The following PDK3 variants were observed in gnomAD, a reference collection of about 807,000 sequenced individuals.
PDK3 encodes the protein pyruvate dehydrogenase kinase 3.
PDK3 carries 12 observed loss-of-function variants against 32.0 expected under a neutral mutation model. The ratio of observed to expected loss-of-function variants is 0.37; its 90% CI spans 0.24 to 0.61. The LOEUF (loss-of-function observed/expected upper bound fraction) is 0.61. Ranked by LOEUF, PDK3 falls within the 20% of genes least tolerant of loss-of-function variation. The pLI is 0.65. For synonymous variants in PDK3, 122 were observed against 116.3 expected (o/e 1.05, Z -0.31); for missense variants, 188 against 316.9 (o/e 0.59, Z 3.09).
intron 6 of PDK3, among the ~76,000 whole-genome samples, chrX:24,519,247 A>G (rs779737554): frequency 9.0e-6 from 1 of 111,272 alleles, no homozygotes; most frequent in South Asian, 3.7e-4. Flanking sequence ...AAGGTAGAGT[A>G]TGTAGAAAGG....
chrX:24,548,980 A>G (rs1923049542), exon 12 of PDK3: 1 of 111,996 alleles, frequency 8.9e-6, no homozygotes, highest in Non-Finnish European at 1.9e-5. Flanking sequence ...AACTGTTACA[A>G]CCATGGGAAA....
intron 1 of PDK3, among the ~76,000 whole-genome samples, chrX:24,483,984 C>T (rs1921330704): frequency 9.1e-6 from 1 of 110,007 alleles, no homozygotes; most frequent in East Asian, 2.9e-4. Context: ...ACTGGGATTA[C>T]AGGTGTGAGC....
intron 5 of PDK3, among the ~76,000 whole-genome samples, chrX:24,509,851 G>A (rs1012521188): frequency 8.9e-6 from 1 of 111,974 alleles, no homozygotes; most frequent in South Asian, 3.7e-4. Flanking sequence ...CTGGTGAGGT[G>A]CATGCTTACT....
intron 6 of PDK3, among the ~76,000 whole-genome samples, chrX:24,522,206 T>C (rs1405582054): frequency 8.9e-6 from 1 of 112,192 alleles, no homozygotes; most frequent in African/African-American, 3.2e-5. Context: ...TTAAATTGAC[T>C]TTTAAAAATG....
chrX:24,512,088 A>G (rs1006404679), intron 5 of PDK3, among the ~76,000 whole-genome samples: 1 of 111,594 alleles, frequency 9.0e-6, no homozygotes, highest in African/African-American at 3.3e-5. Flanking sequence ...GCACCTTAGT[A>G]TCTACCTTTA....
chrX:24,476,203 G>GC (rs886525061), intron 1 of PDK3, among the ~76,000 whole-genome samples: 1 of 109,192 alleles, frequency 9.2e-6, no homozygotes, highest in African/African-American at 3.3e-5. Context: ...TTAATAGACT[G>GC]TTTTTTAAAA....
chrX:24,507,958 A>G (rs1185491140), intron 5 of PDK3, among the ~76,000 whole-genome samples: 1 of 111,764 alleles, frequency 8.9e-6, no homozygotes, highest in African/African-American at 3.3e-5. Context: ...TGATGGGCAC[A>G]TGGGCTCATT....
intron 5 of PDK3, among the ~76,000 whole-genome samples, chrX:24,506,801 CTTTTTTTTTT>C (rs10682263): frequency 1.1e-3 from 56 of 49,492 alleles, no homozygotes; most frequent in African/African-American, 4.5e-3. Flanking sequence ...TTTTTTCTTT[CTTTTTTTTTT>C]TTTTTTTTTT....
chrX:24,508,329 A>G, intron 5 of PDK3, among the ~76,000 whole-genome samples: 1 of 111,583 alleles, frequency 9.0e-6, no homozygotes, highest in Non-Finnish European at 1.9e-5. Context: ...ACAAGGCCCC[A>G]CCGCCAACAC....
exon 12 of PDK3, chrX:24,546,831 T>A (rs1923006318): frequency 8.9e-6 from 1 of 112,428 alleles, no homozygotes; most frequent in South Asian, 3.7e-4. Context: ...TAAATAGACT[T>A]ATTTGCATAT....
chrX:24,501,634 C>T (rs747915025), intron 3 of PDK3, among the ~76,000 whole-genome samples: 2 of 112,509 alleles, frequency 1.8e-5, no homozygotes, highest in South Asian at 3.7e-4. Flanking sequence ...ATTGCCTAAA[C>T]GCGGGAGGCA....
chrX:24,487,761 C>G (rs761003514), intron 1 of PDK3, among the ~76,000 whole-genome samples: 3 of 109,758 alleles, frequency 2.7e-5, no homozygotes, highest in African/African-American at 9.9e-5. Flanking sequence ...CCCCCAACCC[C>G]CACCAACTGC....
intron 5 of PDK3, among the ~76,000 whole-genome samples, chrX:24,518,233 G>C (rs1421941025): frequency 8.9e-6 from 1 of 111,791 alleles, no homozygotes; most frequent in Non-Finnish European, 1.9e-5. Flanking sequence ...TGTAATCCCA[G>C]CACTTTTGGG....
At chrX:24,493,872 C>T (rs1424728873) in intron 1 of PDK3, among the ~76,000 whole-genome samples, 1 of 112,301 alleles carries the variant, frequency 8.9e-6, no homozygotes, top group African/African-American at 3.2e-5. Context: ...GCCCTCCACT[C>T]CCAGCCACCA....
intron 1 of PDK3, among the ~76,000 whole-genome samples, chrX:24,486,628 C>T (rs1264092695): frequency 9.0e-6 from 1 of 110,810 alleles, no homozygotes; most frequent in Admixed American, 9.6e-5. Context: ...TTCTGACTCA[C>T]TCTTTTTGTT....
intron 1 of PDK3, among the ~76,000 whole-genome samples, chrX:24,473,694 C>G (rs1248878048): frequency 9.0e-6 from 1 of 111,279 alleles, no homozygotes; most frequent in Non-Finnish European, 1.9e-5. Context: ...GCCTCTGCCT[C>G]CCAAAGTGCT....
At chrX:24,539,648 C>A (rs1922847727) in exon 12 of PDK3, 1 of 112,706 alleles carries the variant, frequency 8.9e-6, no homozygotes, top group South Asian at 3.7e-4. Context: ...AGTCCCAGAG[C>A]CCTCCGTCTC....
chrX:24,471,846 A>T (rs1920993628), intron 1 of PDK3, among the ~76,000 whole-genome samples: 1 of 111,997 alleles, frequency 8.9e-6, no homozygotes, highest in South Asian at 3.7e-4. Context: ...ATTCGTCCTT[A>T]TTTGACATTG....
intron 6 of PDK3, among the ~76,000 whole-genome samples, chrX:24,521,674 C>G (rs749449062): frequency 8.9e-6 from 1 of 111,832 alleles, no homozygotes; most frequent in African/African-American, 3.2e-5. Flanking sequence ...CCTGTTCTTG[C>G]TGATTCCCAA....
Sources: gnomAD v4.1 joint callset for allele counts (sites outside exome capture counted in the v4.1 genomes callset) on GRCh38, gnomAD v4.1.1 for gene constraint, MANE v1.5 for transcripts, NCBI Gene and HGNC (gene_info 2026-07-23, HGNC 2026-07-21) for gene names.